The following TNR variants were observed in gnomAD, a reference collection of about 807,000 sequenced individuals.
The protein encoded by TNR is tenascin R.
Under a neutral mutation model 150.4 loss-of-function variants are expected in TNR, and 45 were observed. That is an observed-to-expected ratio of 0.30 (90% CI 0.24 to 0.38). TNR has a LOEUF of 0.38. Among genes scored for constraint, TNR ranks in the 10% least tolerant of loss-of-function variants. TNR has a pLI of 1.00. For synonymous variants in TNR, 687 were observed against 678.4 expected, an observed-to-expected ratio of 1.01 and a Z score of -0.20; for missense variants, 1,544 against 1,759.1, an observed-to-expected ratio of 0.88 and a Z score of 2.19.
intron 1 of TNR, among the ~76,000 whole-genome samples, chr1:175,593,863 G>T (rs1349970946): frequency 2.6e-5 from 4 of 152,162 alleles, no homozygotes; most frequent in Non-Finnish European, 4.4e-5. Context: ...AACAGATGGG[G>T]CACAGGCAGC....
In TNR at chr1:175,323,269, A is replaced by G; in HGVS notation, c.*88T>C. The G allele has an allele frequency of 6.5e-7, 1 of 1,538,472 alleles. No individual in the cohort carries two copies. The highest frequency in any genetic ancestry group is 1.8e-5 in the Admixed American group (1 of 54,694). ...ACATACTCTTAATATGTTGCAAAACACATTGCTATTACCCTCCCCCCTTGT... is the reference window on the plus strand; with the variant it reads ...ACATACTCTTAATATGTTGCAAAACGCATTGCTATTACCCTCCCCCCTTGT... On this transcript the variant is annotated 3_prime_UTR_variant, in exon 23 of 23. Transcript: ENST00000367674.
intron 1 of TNR, among the ~76,000 whole-genome samples, chr1:175,598,934 C>T (rs1663118840): frequency 6.6e-6 from 1 of 152,188 alleles, no homozygotes; most frequent in South Asian, 2.1e-4. Context: ...AGAAATCCAA[C>T]GTGTGCAGGA....
chr1:175,691,017 A>C (rs1353235421), intron 1 of TNR, among the ~76,000 whole-genome samples: 1 of 152,188 alleles, frequency 6.6e-6, no homozygotes, highest in Non-Finnish European at 1.5e-5. Context: ...TGGATGAAGA[A>C]TTTGTTGGGG....
chr1:175,591,760 G>A (rs1403575729), intron 1 of TNR, among the ~76,000 whole-genome samples: 1 of 152,202 alleles, frequency 6.6e-6, no homozygotes, highest in East Asian at 1.9e-4. Context: ...TCTCTAACTG[G>A]GTTCATGGTA....
chr1:175,360,067 A>G (rs1375394961), intron 14 of TNR, among the ~76,000 whole-genome samples: 2 of 152,238 alleles, frequency 1.3e-5, no homozygotes, highest in African/African-American at 4.8e-5. Context: ...TTAAATCTAG[A>G]TGGAGCAACC....
chr1:175,689,801 C>T (rs1328218430), intron 1 of TNR, among the ~76,000 whole-genome samples: 2 of 152,236 alleles, frequency 1.3e-5, no homozygotes, highest in Non-Finnish European at 2.9e-5. Flanking sequence ...CTCTCTCTCA[C>T]TGTGCTTATT....
At chr1:175,374,220 T>C (rs756064658) in intron 9 of TNR, among the ~76,000 whole-genome samples, 6 of 152,084 alleles carry the variant, frequency 3.9e-5, no homozygotes, top group South Asian at 2.1e-4. Context: ...TCAGATTTCT[T>C]CCCCTGCAGA....
At chr1:175,547,045 C>T (rs1326297800) in intron 1 of TNR, among the ~76,000 whole-genome samples, 2 of 152,198 alleles carry the variant, frequency 1.3e-5, no homozygotes, top group Admixed American at 6.5e-5. Flanking sequence ...TCTAGCTCAT[C>T]CTGACACTCC....
intron 1 of TNR, among the ~76,000 whole-genome samples, chr1:175,731,470 A>T (rs192214060): frequency 7.9e-5 from 12 of 152,350 alleles, no homozygotes; most frequent in African/African-American, 2.6e-4. Context: ...GCAGGAAATT[A>T]TTCTTTCTAC....
intron 2 of TNR, among the ~76,000 whole-genome samples, chr1:175,437,899 C>CA (rs1417753424): frequency 6.6e-6 from 1 of 151,984 alleles, no homozygotes; most frequent in Non-Finnish European, 1.5e-5. Flanking sequence ...GCTTACCAAC[C>CA]AAAAAAAGTC....
intron 1 of TNR, among the ~76,000 whole-genome samples, chr1:175,551,506 A>G (rs148283412): frequency 6.6e-6 from 1 of 152,318 alleles, no homozygotes; most frequent in African/African-American, 2.4e-5. Context: ...GGTGCCAGTG[A>G]AGGGAGTTTC....
At chr1:175,357,841 A>G (rs185789311) in intron 15 of TNR, among the ~76,000 whole-genome samples, 2 of 152,320 alleles carry the variant, frequency 1.3e-5, no homozygotes, top group East Asian at 1.9e-4. Context: ...TGAGAGCTCA[A>G]TTTTTGTTTC....
intron 2 of TNR, among the ~76,000 whole-genome samples, chr1:175,408,737 T>C (rs1196385578): frequency 1.3e-5 from 2 of 152,244 alleles, no homozygotes; most frequent in Non-Finnish European, 2.9e-5. Context: ...ATTATCTGTA[T>C]AATATTCACC....
chr1:175,645,898 T>C (rs1157299333), intron 1 of TNR, among the ~76,000 whole-genome samples: 1 of 152,214 alleles, frequency 6.6e-6, no homozygotes, highest in African/African-American at 2.4e-5. Flanking sequence ...GGCATATGCT[T>C]TAGATATAAG....
At chr1:175,597,516 A>G (rs1164488042) in intron 1 of TNR, among the ~76,000 whole-genome samples, 1 of 152,214 alleles carries the variant, frequency 6.6e-6, no homozygotes, top group Non-Finnish European at 1.5e-5. Context: ...TAGTCTCAAG[A>G]TTTCCAGCTG....
intron 1 of TNR, among the ~76,000 whole-genome samples, chr1:175,572,954 T>A (rs1006981881): frequency 9.2e-5 from 14 of 152,074 alleles, no homozygotes; most frequent in Non-Finnish European, 1.8e-4. Flanking sequence ...CAGGGAGACA[T>A]GCCTCAAGAG....
In TNR at chr1:175,316,812, T is replaced by G. The variant is rs1648859312; in HGVS notation, c.*6545A>C. ...AAAGAGATGTCAGAATGTTTCTTAT[T>G]CCCCATGATGATGAGATTGAGGGTC... On this transcript the variant is annotated 3_prime_UTR_variant, in exon 23 of 23. Transcript: ENST00000367674. 1 of 152,176 alleles carries G rather than the reference T, an allele frequency of 6.6e-6. No homozygotes were observed. Among genetic ancestry groups the G allele is most frequent in the Non-Finnish European group, 1.5e-5 (1 of 68,034 alleles). 9.4% of individuals were successfully genotyped at this position (152,176 alleles called of 1,614,324 possible). A position where few individuals can be genotyped will look rare whatever the true frequency, so the allele number is the denominator to read the frequency against.
chr1:175,683,956 C>G (rs1283168881), intron 1 of TNR, among the ~76,000 whole-genome samples: 1 of 152,166 alleles, frequency 6.6e-6, no homozygotes, highest in Non-Finnish European at 1.5e-5. Context: ...GGGAGCCAGT[C>G]CCAAGGTGGG....
chr1:175,460,496 TGC>T, intron 2 of TNR, among the ~76,000 whole-genome samples: 1 of 152,254 alleles, frequency 6.6e-6, no homozygotes, highest in Admixed American at 6.5e-5. Flanking sequence ...ACCGGACTCA[TGC>T]TGAAATATTA....
Sources: allele counts gnomAD v4.1 joint callset (sites outside exome capture counted in the v4.1 genomes callset), GRCh38; gene constraint gnomAD v4.1.1; transcripts MANE v1.5; gene names NCBI Gene and HGNC (gene_info 2026-07-23, HGNC 2026-07-21).